Variants in APBA1 observed in about 807,000 individuals in gnomAD.
APBA1 encodes the protein amyloid-beta A4 precursor protein-binding family A member 1.
A neutral mutation model predicts 86.6 loss-of-function variants in APBA1; 55 were observed. The ratio of observed to expected loss-of-function variants is 0.64; its 90% CI spans 0.51 to 0.80. APBA1 has a LOEUF of 0.80. APBA1 is among the 30% of genes least tolerant of loss of function. APBA1 has a pLI of 0.00. For synonymous variants in APBA1, 511 were observed against 493.9 expected (o/e 1.03, Z -0.46); for missense variants, 1,090 against 1,183.0 (o/e 0.92, Z 1.15).
intron 1 of APBA1, among the ~76,000 whole-genome samples, chr9:69,517,962 C>T (rs7861451): frequency 0.063 from 9,534 of 152,148 alleles, 346 homozygotes; most frequent in African/African-American, 0.095. Flanking sequence ...TGTTAATATC[C>T]AGAAGGAGGA....
rs1362898788 is a variant in APBA1, at chr9:69,658,304, C to CTCTCTCTCTT, written c.-70+13848_-70+13849insAAGAGAGAGA. 4.0e-4 allele frequency among the ~76,000 whole-genome samples: 32 copies of CTCTCTCTCTT among 80,028 alleles called. 2 individuals are homozygous for CTCTCTCTCTT. Among genetic ancestry groups the CTCTCTCTCTT allele is most frequent in the Admixed American group, 1.2e-3 (9 of 7,620 alleles). The allele number at this position is 80,028 out of a possible 152,430, so 52.5% of individuals were successfully genotyped here. On this transcript the variant is annotated intron_variant, in intron 1 of 12. Coordinates refer to ENST00000265381, the MANE Select transcript of APBA1 (RefSeq NM_001163.4). ...TCTTTCTCTCTCTCTTTCTCTCTCT[C>CTCTCTCTCTT]TCTTTCTTTCTTTCTTTCTTTCTTT...
At chr9:69,529,611 C>T (rs1348260857) in intron 1 of APBA1, among the ~76,000 whole-genome samples, 3 of 151,964 alleles carry the variant, frequency 2.0e-5, no homozygotes, top group Admixed American at 2.0e-4. Context: ...ATTTTGGCTC[C>T]CAATAAGGGA....
At chr9:69,436,699 T>C (rs1834729308) in intron 11 of APBA1, among the ~76,000 whole-genome samples, 1 of 152,008 alleles carries the variant, frequency 6.6e-6, no homozygotes, top group Non-Finnish European at 1.5e-5. Flanking sequence ...GTTTTCTAGA[T>C]ATACAATCAT....
At chr9:69,599,112 G>T (rs933281732) in intron 1 of APBA1, among the ~76,000 whole-genome samples, 1 of 152,158 alleles carries the variant, frequency 6.6e-6, no homozygotes, top group Admixed American at 6.5e-5. Context: ...GAGTCTCAAG[G>T]TTACAAGATG....
At chr9:69,533,985 A>G (rs1400814038) in intron 1 of APBA1, among the ~76,000 whole-genome samples, 1 of 152,232 alleles carries the variant, frequency 6.6e-6, no homozygotes, top group African/African-American at 2.4e-5. Flanking sequence ...CAAAGAGGAC[A>G]TGACATCCAA....
At chr9:69,580,875 ACC>A (rs2133956352) in intron 1 of APBA1, among the ~76,000 whole-genome samples, 1 of 152,206 alleles carries the variant, frequency 6.6e-6, no homozygotes, top group African/African-American at 2.4e-5. Context: ...TAAAATGAAG[ACC>A]CATTAGGAGC....
At chr9:69,634,159 T>G (rs1564097894) in intron 1 of APBA1, among the ~76,000 whole-genome samples, 2 of 152,174 alleles carry the variant, frequency 1.3e-5, no homozygotes, top group Admixed American at 1.3e-4. Context: ...AGTCTTGAAT[T>G]GCCAACACCA....
At chr9:69,642,326 A>T (rs1442927574) in intron 1 of APBA1, among the ~76,000 whole-genome samples, 1 of 152,238 alleles carries the variant, frequency 6.6e-6, no homozygotes, top group Non-Finnish European at 1.5e-5. Context: ...ATGCTTTAGT[A>T]CAGAAAAGAT....
At position 69,516,025 on chromosome 9, in the gene APBA1, G is replaced by A; in HGVS notation, c.1186C>T (p.Pro396Ser). The A allele has an allele frequency of 1.9e-6, 3 of 1,577,832 alleles. No homozygotes were observed. Among genetic ancestry groups the A allele is most frequent in the South Asian group, 2.3e-5 (2 of 87,552 alleles). ...SPTRDCDDQRPMDGDSPSPGS... is the reference protein window; with the variant it reads ...SPTRDCDDQRSMDGDSPSPGS... ...CACCTACTTACATCTCCGTCCATCG[G>A]CCTCTGGTCGTCACAGTCCCTGGTG... is the stretch of plus-strand genomic sequence containing the variant. The change falls in exon 2 of 13, where the codon CCG becomes TCG. Residue 396 changes from proline to serine, a missense_variant. Pro to Ser is a moderately conservative substitution (Grantham distance 74). This residue lies in a region of APBA1 where 678 missense variants were observed against 647.1 expected (regional missense o/e 1.05). Transcript: ENST00000265381. The surrounding 1 kb of genome is among the most constrained non-coding windows in gnomAD (Gnocchi z 7.3).
At chr9:69,564,429 G>A (rs1175124145) in intron 1 of APBA1, among the ~76,000 whole-genome samples, 5 of 152,132 alleles carry the variant, frequency 3.3e-5, no homozygotes, top group Admixed American at 6.5e-5. Flanking sequence ...ATTTTCACAG[G>A]TGCATTTCAA....
intron 1 of APBA1, among the ~76,000 whole-genome samples, chr9:69,554,790 G>A (rs1836836887): frequency 1.0e-5 from 1 of 99,530 alleles, no homozygotes; most frequent in African/African-American, 3.0e-5. Flanking sequence ...TATTTTTAGG[G>A]TAAAAAAAAA....
At chr9:69,658,312 TTC>T (rs1440047993) in intron 1 of APBA1, among the ~76,000 whole-genome samples, 1 of 75,580 alleles carries the variant, frequency 1.3e-5, no homozygotes, top group Non-Finnish European at 2.7e-5. Flanking sequence ...CTCTCTTTCT[TTC>T]TTTCTTTCTT....
intron 1 of APBA1, among the ~76,000 whole-genome samples, chr9:69,541,414 G>A (rs1174621366): frequency 1.3e-5 from 2 of 152,120 alleles, no homozygotes; most frequent in Non-Finnish European, 2.9e-5. Context: ...GGTATGAGGT[G>A]ATATCTCATT....
At chr9:69,445,060 T>C (rs540613546) in intron 10 of APBA1, among the ~76,000 whole-genome samples, 2 of 152,368 alleles carry the variant, frequency 1.3e-5, no homozygotes, top group Admixed American at 6.5e-5. Context: ...TGTTTACGCC[T>C]ATTAACCACT....
At chr9:69,510,351 A>C (rs1836012175) in intron 2 of APBA1, among the ~76,000 whole-genome samples, 1 of 151,038 alleles carries the variant, frequency 6.6e-6, no homozygotes, top group Non-Finnish European at 1.5e-5. Flanking sequence ...ATACCTAGGA[A>C]TCCAACTTAC....
chr9:69,435,068 G>GT (rs1380159436), intron 11 of APBA1, among the ~76,000 whole-genome samples: 2 of 151,164 alleles, frequency 1.3e-5, no homozygotes, highest in East Asian at 3.9e-4. Flanking sequence ...CCTTGCCATA[G>GT]TTTTCTGAGA....
intron 11 of APBA1, among the ~76,000 whole-genome samples, chr9:69,434,190 G>C (rs936207537): frequency 2.6e-5 from 4 of 152,300 alleles, no homozygotes; most frequent in African/African-American, 9.6e-5. Context: ...TGCTCTGCGG[G>C]ACTCTGTGCA....
At chr9:69,473,633 G>A (rs1385548337) in intron 3 of APBA1, among the ~76,000 whole-genome samples, 3 of 151,862 alleles carry the variant, frequency 2.0e-5, no homozygotes, top group Non-Finnish European at 2.9e-5. Flanking sequence ...ACATGTATAC[G>A]TATGTAACTA....
At chr9:69,645,137 G>A (rs981319106) in intron 1 of APBA1, among the ~76,000 whole-genome samples, 1 of 152,290 alleles carries the variant, frequency 6.6e-6, no homozygotes, top group African/African-American at 2.4e-5. Context: ...TAAGATCGAT[G>A]TTGGAAGGGA....
Sources: allele counts gnomAD v4.1 joint callset (sites outside exome capture counted in the v4.1 genomes callset), GRCh38; gene constraint gnomAD v4.1.1; regional missense constraint gnomAD v4.1.1; non-coding constraint Gnocchi (gnomAD v3.1); transcripts MANE v1.5; gene names NCBI Gene and HGNC (gene_info 2026-07-23, HGNC 2026-07-21).